Variants in SLC8A1 observed in about 807,000 individuals in gnomAD.
SLC8A1 encodes sodium/calcium exchanger 1.
Under a neutral mutation model 68.3 loss-of-function variants are expected in SLC8A1, and 18 were observed. The observed-to-expected ratio is 0.26, with a 90% CI of 0.18 to 0.39. The LOEUF is 0.39. Ranked by LOEUF, SLC8A1 falls within the 10% of genes least tolerant of loss-of-function variation. The pLI is 1.00. For synonymous variants in SLC8A1, 475 were observed against 415.5 expected (o/e 1.14, Z -1.74); for missense variants, 985 against 1,156.7 (o/e 0.85, Z 2.15).
At chr2:40,219,796 G>A (rs1574245841) in intron 2 of SLC8A1, among the ~76,000 whole-genome samples, 3 of 101,496 alleles carry the variant, frequency 3.0e-5, no homozygotes, top group East Asian at 4.5e-4. Context: ...TAGTTGATGA[G>A]AGAGATGTGC....
chr2:40,387,259 C>A (rs1484422009), intron 2 of SLC8A1, among the ~76,000 whole-genome samples: 2 of 151,434 alleles, frequency 1.3e-5, no homozygotes, highest in East Asian at 3.9e-4. Context: ...TGCCTTCTCT[C>A]TAGAGAAATG....
chr2:40,505,990 A>C (rs772299392), intron 1 of SLC8A1, among the ~76,000 whole-genome samples: 14 of 151,988 alleles, frequency 9.2e-5, no homozygotes, highest in Non-Finnish European at 1.9e-4. Context: ...ATCGTTGAAC[A>C]TAACAAGCTT....
At chr2:40,118,111 C>G (rs1295716751) in intron 7 of SLC8A1, among the ~76,000 whole-genome samples, 1 of 152,210 alleles carries the variant, frequency 6.6e-6, no homozygotes, top group Non-Finnish European at 1.5e-5. Context: ...TATTCTCATT[C>G]ACCCCTCTCA....
At chr2:40,475,428 C>T (rs958432985) in intron 1 of SLC8A1, among the ~76,000 whole-genome samples, 5 of 151,892 alleles carry the variant, frequency 3.3e-5, no homozygotes, top group East Asian at 1.9e-4. Flanking sequence ...CCACCGTGCC[C>T]GGCCTATAAA....
rs995240516 is a variant in SLC8A1 at position 40,109,159 on chromosome 2, T to C, written c.*6094A>G. The C allele has an allele frequency of 2.0e-5, 3 of 152,186 alleles. No homozygotes were observed. In the South Asian group the frequency reaches 6.2e-4, roughly 31 times the overall value. The allele number at this position is 152,186 out of a possible 1,614,324, so 9.4% of individuals were successfully genotyped here. The stretch of plus-strand genomic sequence containing the variant: ...AGATTAACAGTGAAGTTAGCTAATT[T>C]CTCTCTTGGTCTGTTTGGCTATTAA... On this transcript the variant is annotated 3_prime_UTR_variant, in exon 8 of 8. Transcript: ENST00000406785.
At chr2:40,350,929 C>G (rs369096914) in intron 2 of SLC8A1, among the ~76,000 whole-genome samples, 3 of 152,080 alleles carry the variant, frequency 2.0e-5, no homozygotes, top group East Asian at 1.9e-4. Context: ...GGTTATGTGA[C>G]TTGTCAAAGG....
chr2:40,139,161 G>A (rs2072532), intron 7 of SLC8A1, among the ~76,000 whole-genome samples: 91,188 of 151,984 alleles, frequency 0.6, 27,947 homozygotes, highest in East Asian at 0.79. Flanking sequence ...CTTACAGGCC[G>A]TGGAGACCCT....
At chr2:40,219,390 G>T (rs1282605894) in intron 2 of SLC8A1, among the ~76,000 whole-genome samples, 1 of 152,218 alleles carries the variant, frequency 6.6e-6, no homozygotes, top group Non-Finnish European at 1.5e-5. Flanking sequence ...GGACAGAATT[G>T]CAGGGAGTTC....
At chr2:40,142,518 C>T (rs139428043) in intron 6 of SLC8A1, among the ~76,000 whole-genome samples, 1 of 152,294 alleles carries the variant, frequency 6.6e-6, no homozygotes, top group Admixed American at 6.5e-5. Context: ...TTTAATCAAT[C>T]ATTCACAGAA....
chr2:40,289,280 T>C lies in SLC8A1; in HGVS notation c.1809-111425A>G, dbSNP rs73926155. On this transcript the variant is annotated intron_variant, in intron 2 of 7. Transcript: ENST00000406785. ...TGCTGAAAAATATTGTTAAACTATT[T>C]GTAATAATATTTCTGGTCTGGTTAG... Among the ~76,000 whole-genome samples the C allele has an allele frequency of 3.2e-3, 488 of 152,258 alleles. 5 individuals are homozygous for C. Among genetic ancestry groups the C allele is most frequent in the African/African-American group, 0.011 (447 of 41,534 alleles).
chr2:40,115,354 G>A lies in SLC8A1; in HGVS notation c.2713C>T (p.Arg905Trp), dbSNP rs375243952. ...CAGGATGTGAGGAGCTTGGCAGTCCGGGGCCCACCCAGCTCACCTCCGATT... is the reference window on the plus strand; with the variant it reads ...CAGGATGTGAGGAGCTTGGCAGTCCAGGGCCCACCCAGCTCACCTCCGATT... Residue 905 changes from arginine (R) to tryptophan (W), a missense_variant, in exon 8 of 8, where the codon CGG (arginine) becomes TGG (tryptophan). This residue lies in a region of SLC8A1 where 144 missense variants were observed against 260.4 expected (regional missense o/e 0.55). Coordinates refer to ENST00000406785, the Ensembl canonical transcript of SLC8A1. 3.4e-5 allele frequency: 55 copies of A among 1,614,018 alleles called. No individual in the cohort carries two copies. The highest frequency in any genetic ancestry group is 4.4e-5 in the Non-Finnish European group (52 of 1,180,030).
Position 40,328,771 on chromosome 2 carries a change from C to T in SLC8A1, c.1808+99702G>A, listed in dbSNP as rs530233189. Among the ~76,000 whole-genome samples, 3 of 152,208 alleles carry T rather than the reference C, an allele frequency of 2.0e-5. No individual in the cohort carries two copies. In the East Asian group the frequency reaches 5.8e-4, roughly 29 times the overall value. ...TTTGGTCCCAGCTTCCCAGTGACTT[C>T]CAATTTCCTCCTATTGTAGGTGATC... is the stretch of plus-strand genomic sequence containing the variant. On this transcript the variant is annotated intron_variant, in intron 2 of 7. Transcript: ENST00000406785.
intron 6 of SLC8A1, among the ~76,000 whole-genome samples, chr2:40,141,222 T>C (rs2041501325): frequency 6.6e-6 from 1 of 152,198 alleles, no homozygotes; most frequent in South Asian, 2.1e-4. Flanking sequence ...ATGTATGGTC[T>C]TCGTGAGACA....
chr2:40,222,090 G>T (rs144275741), intron 2 of SLC8A1, among the ~76,000 whole-genome samples: 2,499 of 152,036 alleles, frequency 0.016, 79 homozygotes, highest in African/African-American at 0.057. Flanking sequence ...GAACAAAGCT[G>T]GAGGCATCAC....
At chr2:40,458,855 CTTAT>C (rs1703177070) in intron 1 of SLC8A1, among the ~76,000 whole-genome samples, 1 of 152,070 alleles carries the variant, frequency 6.6e-6, no homozygotes, top group African/African-American at 2.4e-5. Context: ...TTCTTGTATT[CTTAT>C]TTATTATTTT....
chr2:40,444,922 T>A (rs541676277), intron 1 of SLC8A1, among the ~76,000 whole-genome samples: 1 of 152,288 alleles, frequency 6.6e-6, no homozygotes, highest in African/African-American at 2.4e-5. Context: ...GTATATGCCA[T>A]TTTGCGTGTA....
intron 2 of SLC8A1, among the ~76,000 whole-genome samples, chr2:40,277,465 C>T (rs891667634): frequency 1.3e-5 from 2 of 151,818 alleles, no homozygotes; most frequent in Non-Finnish European, 2.9e-5. Flanking sequence ...ACTTGAACCT[C>T]GGAGGCAGAG....
At chr2:40,396,642 T>C (rs1686984147) in intron 2 of SLC8A1, among the ~76,000 whole-genome samples, 1 of 151,554 alleles carries the variant, frequency 6.6e-6, no homozygotes, top group Non-Finnish European at 1.5e-5. Flanking sequence ...TCATTAAATA[T>C]TTCTGTAATC....
At chr2:40,424,194 A>AT (rs1696260159) in intron 2 of SLC8A1, among the ~76,000 whole-genome samples, 1 of 151,742 alleles carries the variant, frequency 6.6e-6, no homozygotes, top group Non-Finnish European at 1.5e-5. Flanking sequence ...ATTTTTCATC[A>AT]TTTCTGATTT....
Sources: gnomAD v4.1 joint callset for allele counts (sites outside exome capture counted in the v4.1 genomes callset) on GRCh38, gnomAD v4.1.1 for gene constraint, gnomAD v4.1.1 regional missense constraint, MANE v1.5 for transcripts, NCBI Gene and HGNC (gene_info 2026-07-23, HGNC 2026-07-21) for gene names.